EP300: variants seen among roughly 807,000 people sequenced by gnomAD.
EP300 encodes the protein EP300 lysine acetyltransferase.
A neutral mutation model predicts 264.0 loss-of-function variants in EP300; 31 were observed. The ratio of observed to expected loss-of-function variants is 0.12; its 90% CI spans 0.09 to 0.16. The LOEUF is 0.16. EP300 is among the 10% of genes least tolerant of loss of function. EP300 has a pLI of 1.00. For missense variants in EP300, 2,766 were observed against 3,052.9 expected, an observed-to-expected ratio of 0.91 and a Z score of 2.21; for synonymous variants, 1,340 against 1,045.4, an observed-to-expected ratio of 1.28 and a Z score of -5.44.
rs190692702 is a variant in EP300 at position 41,166,603 on chromosome 22, G to A, written c.3811G>A (p.Val1271Ile). The change falls in exon 23 of 31, where the codon GTC (valine) becomes ATC (isoleucine). Residue 1271 changes from valine (V) to isoleucine (I), a missense_variant. Transcript: ENST00000263253. ...HHEIIWPAGF[V>I]CDGCLKKSAR... ...AAAGTTTTGGTTTACATTTAGATTC[G>A]TCTGTGATGGCTGTTTAAAGAAAAG... 1.4e-5 allele frequency: 23 copies of A among 1,612,584 alleles called. No individual in the cohort carries two copies. The highest frequency in any genetic ancestry group is 6.6e-5 in the South Asian group (6 of 90,962).
chr22:41,132,286 C>CTTTTTT (rs532779902), intron 6 of EP300, among the ~76,000 whole-genome samples: 3 of 56,780 alleles, frequency 5.3e-5, no homozygotes, highest in African/African-American at 1.6e-4. Context: ...TTCTTTCATT[C>CTTTTTT]TTTTTTTTTT....
chr22:41,123,878 T>C (rs2058865960), intron 2 of EP300, among the ~76,000 whole-genome samples: 1 of 152,236 alleles, frequency 6.6e-6, no homozygotes, highest in South Asian at 2.1e-4. Context: ...AATAATGCTG[T>C]TTTTCAATTA....
chr22:41,147,319 A>G (rs914153800), intron 11 of EP300, among the ~76,000 whole-genome samples: 119 of 144,858 alleles, frequency 8.2e-4, no homozygotes, highest in African/African-American at 2.9e-3. Flanking sequence ...AAAAAAAAAA[A>G]GCAGATTGTA....
At chr22:41,168,054 T>C (rs1451660769) in intron 23 of EP300, among the ~76,000 whole-genome samples, 1 of 151,480 alleles carries the variant, frequency 6.6e-6, no homozygotes, top group Non-Finnish European at 1.5e-5. Flanking sequence ...ACTCCTGACC[T>C]CAGGTGATGC....
rs764980716 is a variant in EP300, at chr22:41,125,991, C to A, written c.857C>A (p.Pro286Gln). ...TKTVLSNNLS[P>Q]FAMDKKAVPG... is the part of the protein sequence containing the mutation. ...ACTGTACTATCAAATAACTTATCTCCATTTGCTATGGACAAAAAGGCAGTT... is the reference window on the plus strand; with the variant it reads ...ACTGTACTATCAAATAACTTATCTCAATTTGCTATGGACAAAAAGGCAGTT... Residue 286 changes from proline (P) to glutamine (Q), a missense_variant, in exon 3 of 31, where the codon CCA (proline) becomes CAA (glutamine). Physicochemically the swap from Pro to Gln is moderately conservative, Grantham distance 76. Transcript: ENST00000263253. 6.2e-7 allele frequency: 1 copy of A among 1,614,172 alleles called. No individual in the cohort carries two copies. Among genetic ancestry groups the A allele is most frequent in the Non-Finnish European group, 8.5e-7 (1 of 1,180,036 alleles).
chr22:41,108,496 G>C (rs1459486238), intron 1 of EP300, among the ~76,000 whole-genome samples: 2 of 151,992 alleles, frequency 1.3e-5, no homozygotes, highest in Non-Finnish European at 2.9e-5. Flanking sequence ...CAACCCTCCA[G>C]CCTTGGCCTT....
chr22:41,152,013 G>A lies in EP300; in HGVS notation c.2997+1G>A, dbSNP rs1169505007. The A allele has an allele frequency of 6.2e-7, 1 of 1,614,184 alleles. No individual in the cohort carries two copies. Among genetic ancestry groups the A allele is most frequent in the African/African-American group, 1.3e-5 (1 of 75,034 alleles). On this transcript the variant is annotated splice_donor_variant, in intron 15 of 30. Transcript: ENST00000263253. LOFTEE classifies it high-confidence loss of function. ...TACTCAGCCGGAGGATATTTCAGAGGTGAGAGTAGGGCAATTACTGTTTGA... is the reference window on the plus strand; with the variant it reads ...TACTCAGCCGGAGGATATTTCAGAGATGAGAGTAGGGCAATTACTGTTTGA...
intron 2 of EP300, among the ~76,000 whole-genome samples, chr22:41,119,498 A>C (rs575756764): frequency 6.6e-6 from 1 of 152,298 alleles, no homozygotes; most frequent in African/African-American, 2.4e-5. Context: ...GATGACTTAC[A>C]ATAAACCCTC....
chr22:41,166,355 T>A (rs1184589224), intron 22 of EP300, among the ~76,000 whole-genome samples: 1 of 152,240 alleles, frequency 6.6e-6, no homozygotes, highest in South Asian at 2.1e-4. Context: ...TAATCCTTGA[T>A]CATCTTTTCC....
chr22:41,154,098 A>G (rs757127222), intron 16 of EP300, among the ~76,000 whole-genome samples: 1 of 152,190 alleles, frequency 6.6e-6, no homozygotes, highest in Non-Finnish European at 1.5e-5. Flanking sequence ...TTGATCAACT[A>G]AGTCTATTAT....
chr22:41,093,680 C>A (rs546964445), intron 1 of EP300, among the ~76,000 whole-genome samples: 1 of 151,910 alleles, frequency 6.6e-6, no homozygotes, highest in Non-Finnish European at 1.5e-5. Flanking sequence ...CCTTTTTCTT[C>A]TTATTTGCTT....
In EP300 at chr22:41,092,865, A is replaced by G; in HGVS notation, c.-140A>G. The G allele has an allele frequency of 1.1e-6, 1 of 907,046 alleles. No homozygotes were observed. The highest frequency in any genetic ancestry group is 1.8e-6 in the Non-Finnish European group (1 of 542,418). The allele number at this position is 907,046 out of a possible 1,614,324, so 56.2% of individuals were successfully genotyped here. A position where few individuals can be genotyped will look rare whatever the true frequency, so the allele number is the denominator to read the frequency against. ...CAGCCACTGCGACCCGGCGAAGAGA[A>G]AAAGGAACTTCCCCCACCCCCTCGG... On this transcript the variant is annotated 5_prime_UTR_variant, in exon 1 of 31. Coordinates refer to ENST00000263253, the MANE Select transcript of EP300 (RefSeq NM_001429.4).
At chr22:41,123,078 A>G (rs565294585) in intron 2 of EP300, among the ~76,000 whole-genome samples, 1 of 152,304 alleles carries the variant, frequency 6.6e-6, no homozygotes, top group East Asian at 1.9e-4. Flanking sequence ...AGAGCTTTGT[A>G]CCTGTCCAAA....
intron 7 of EP300, among the ~76,000 whole-genome samples, chr22:41,136,975 G>A (rs1249999588): frequency 3.9e-5 from 6 of 151,968 alleles, no homozygotes; most frequent in Non-Finnish European, 5.9e-5. Context: ...CAGGAGAATC[G>A]CTTGAACCCC....
intron 1 of EP300, 135 bp from the exon 2 acceptor site, chr22:41,117,052 C>T (rs573927395): frequency 1.2e-6 from 1 of 818,790 alleles, no homozygotes; most frequent in Non-Finnish European, 2.0e-6. Context: ...CAGAGTAAGA[C>T]CCTGTCTCAA....
Position 41,092,880 on chromosome 22 carries a change from C to A in EP300, c.-125C>A. On this transcript the variant is annotated 5_prime_UTR_variant, in exon 1 of 31. Transcript: ENST00000263253. ...GGCGAAGAGAAAAAGGAACTTCCCC[C>A]ACCCCCTCGGGTGCCGTCGGAGCCC... 5 of 1,004,474 alleles carry A rather than the reference C, an allele frequency of 5.0e-6. No homozygotes were observed. The highest frequency in any genetic ancestry group is 2.4e-5 in the East Asian group (1 of 42,126). The allele number at this position is 1,004,474 out of a possible 1,614,324, so 62.2% of individuals were successfully genotyped here.
intron 1 of EP300, among the ~76,000 whole-genome samples, chr22:41,095,969 T>C (rs935525952): frequency 1.3e-5 from 2 of 152,192 alleles, no homozygotes; most frequent in Non-Finnish European, 2.9e-5. Flanking sequence ...ATTTCCAGGT[T>C]GATTCAAATA....
At chr22:41,149,346 ATAGCAATGGTGTTAAT>A (rs1249703047) in intron 13 of EP300, among the ~76,000 whole-genome samples, 171 bp downstream of exon 13, 3 of 152,248 alleles carry the variant, frequency 2.0e-5, no homozygotes, top group Non-Finnish European at 4.4e-5. Context: ...ATTCTGTGAC[ATAGCAATGGTGTTAAT>A]TGTTACAAAG....
At chr22:41,112,709 G>GT (rs879598743) in intron 1 of EP300, among the ~76,000 whole-genome samples, 8,502 of 68,122 alleles carry the variant, frequency 0.12, 712 homozygotes, top group Admixed American at 0.38. Context: ...TTTTTATATT[G>GT]TTTTTTTTTT....
Sources: gnomAD v4.1 joint callset for allele counts (sites outside exome capture counted in the v4.1 genomes callset) on GRCh38, gnomAD v4.1.1 for gene constraint, MANE v1.5 for transcripts, NCBI Gene and HGNC (gene_info 2026-07-23, HGNC 2026-07-21) for gene names.